The following CDKL2 variants were observed in gnomAD, a reference collection of about 807,000 sequenced individuals.
CDKL2 encodes cyclin dependent kinase like 2.
Under a neutral mutation model 63.9 loss-of-function variants are expected in CDKL2, and 64 were observed. The observed-to-expected ratio is 1.00, with a 90% CI of 0.82 to 1.23. CDKL2 has a LOEUF of 1.23. Among genes scored for constraint, CDKL2 ranks in the 50% most tolerant of loss-of-function variants. The pLI, the probability that CDKL2 is intolerant of heterozygous loss-of-function variation, is 0.00. For missense variants in CDKL2, 656 were observed against 668.0 expected (o/e 0.98, Z 0.20); for synonymous variants, 211 against 229.2 (o/e 0.92, Z 0.72).
At chr4:75,590,589 C>T (rs1472973655) in intron 12 of CDKL2, among the ~76,000 whole-genome samples, 2 of 152,148 alleles carry the variant, frequency 1.3e-5, no homozygotes, top group South Asian at 2.1e-4. Flanking sequence ...GTGGCATGCA[C>T]CTGTAATCCC....
At position 75,584,208 on chromosome 4, in the gene CDKL2, G is replaced by T. The variant is rs182570537; in HGVS notation, c.1648-2310C>A. ...GCTCTTAGCATCAGAGTAAGTCAGA[G>T]ATGTGGCAGAAGGAGTGGTCAGAGA... On this transcript the variant is annotated intron_variant, in intron 12 of 13. Transcript: ENST00000307465. Among the ~76,000 whole-genome samples, 14 of 152,334 alleles carry T rather than the reference G, an allele frequency of 9.2e-5. 1 individual carries two copies. The highest frequency in any genetic ancestry group is 7.8e-4 in the Admixed American group (12 of 15,300).
At chr4:75,601,581 A>T (rs898503095) in intron 6 of CDKL2, among the ~76,000 whole-genome samples, 8 of 152,190 alleles carry the variant, frequency 5.3e-5, no homozygotes, top group Non-Finnish European at 1.0e-4. Context: ...TGATAAGTAC[A>T]TGAAGGTTTG....
chr4:75,594,641 T>A (rs576289760), intron 10 of CDKL2, among the ~76,000 whole-genome samples: 1 of 151,786 alleles, frequency 6.6e-6, no homozygotes, highest in South Asian at 2.1e-4. Flanking sequence ...GCATCGAACA[T>A]AAAGGGAGGC....
intron 2 of CDKL2, among the ~76,000 whole-genome samples, chr4:75,623,100 A>C (rs1730239398): frequency 2.0e-5 from 3 of 151,748 alleles, no homozygotes; most frequent in African/African-American, 7.3e-5. Flanking sequence ...ACATGGAAAA[A>C]CCCTATCTTT....
chr4:75,619,249 G>A (rs958781735), intron 2 of CDKL2, among the ~76,000 whole-genome samples: 3 of 152,066 alleles, frequency 2.0e-5, no homozygotes, highest in African/African-American at 7.2e-5. Context: ...GACTGTAAGG[G>A]ATATGTTTAA....
chr4:75,624,841 A>C (rs1366903440), intron 2 of CDKL2, among the ~76,000 whole-genome samples: 1 of 152,214 alleles, frequency 6.6e-6, no homozygotes, highest in Non-Finnish European at 1.5e-5. Flanking sequence ...CTGGTAACAG[A>C]GTGAGACTCC....
chr4:75,579,479 G>A (rs1249868185), intron 13 of CDKL2, among the ~76,000 whole-genome samples: 3 of 152,146 alleles, frequency 2.0e-5, no homozygotes, highest in Non-Finnish European at 4.4e-5. Context: ...TTCAAGACCA[G>A]CCTGACCAAC....
rs146519378 is a variant in CDKL2 at position 75,623,491 on chromosome 4, T to C, written c.168+2330A>G. Reference sequence around the variant, plus strand: ...AGGGAAAAGTCATAAGATTTGACTGTGTCAAACACCATTATTAAGATCAAG... The same window carrying C: ...AGGGAAAAGTCATAAGATTTGACTGCGTCAAACACCATTATTAAGATCAAG... On this transcript the variant is annotated intron_variant, in intron 2 of 13. Transcript: ENST00000307465. Among the ~76,000 whole-genome samples the C allele has an allele frequency of 8.9e-4, 136 of 152,348 alleles. 2 individuals are homozygous for C. The highest frequency in any genetic ancestry group is 3.1e-3 in the African/African-American group (128 of 41,580).
chr4:75,608,828 T>C (rs982639720), intron 3 of CDKL2, among the ~76,000 whole-genome samples: 1 of 151,994 alleles, frequency 6.6e-6, no homozygotes, highest in East Asian at 1.9e-4. Flanking sequence ...ACCTTGTCTT[T>C]ACTAAAATAC....
Position 75,607,225 on chromosome 4 carries a change from T to C in CDKL2, c.500A>G (p.Tyr167Cys). The stretch of plus-strand genomic sequence containing the variant: ...ACCAACCAATAGTTCTGGAGCTCTG[T>C]ACCATCGGGTTGCCACATAATCAGT... ...VYTDYVATRWYRAPELLVGDV... is the reference protein window; with the variant it reads ...VYTDYVATRWCRAPELLVGDV... Residue 167 changes from tyrosine to cysteine, a missense_variant, in exon 4 of 14, where the codon TAC becomes TGC. By Grantham distance (194) the Tyr-to-Cys change is radical. Transcript: ENST00000307465. 1 of 1,614,034 alleles carries C rather than the reference T, an allele frequency of 6.2e-7. No homozygotes were observed. The highest frequency in any genetic ancestry group is 8.5e-7 in the Non-Finnish European group (1 of 1,179,934).
chr4:75,618,534 G>A (rs1292782694), intron 2 of CDKL2, among the ~76,000 whole-genome samples: 2 of 152,020 alleles, frequency 1.3e-5, no homozygotes, highest in South Asian at 2.1e-4. Context: ...GATTACAAGC[G>A]TGAGTTGCCG....
intron 6 of CDKL2, among the ~76,000 whole-genome samples, 153 bp downstream of exon 6, chr4:75,603,664 G>A (rs1729296803): frequency 7.3e-6 from 1 of 136,200 alleles, no homozygotes; most frequent in African/African-American, 2.7e-5. Flanking sequence ...GCAGTGAGCC[G>A]AGATCATGCC....
chr4:75,599,578 C>CCACTGTCAA (rs1729098299), intron 7 of CDKL2, among the ~76,000 whole-genome samples: 1 of 139,332 alleles, frequency 7.2e-6, no homozygotes, highest in Non-Finnish European at 1.5e-5. Context: ...AAAGAAACTA[C>CCACTGTCAA]CACTGTCAAG....
chr4:75,611,982 T>G (rs1344470649), intron 3 of CDKL2, among the ~76,000 whole-genome samples: 1 of 151,752 alleles, frequency 6.6e-6, no homozygotes, highest in East Asian at 1.9e-4. Context: ...TCTTTTTTTT[T>G]GTTTTTGAGA....
At chr4:75,594,925 C>T (rs1467326465) in intron 10 of CDKL2, among the ~76,000 whole-genome samples, 1 of 152,114 alleles carries the variant, frequency 6.6e-6, no homozygotes, top group African/African-American at 2.4e-5. Context: ...GGACTTTGGC[C>T]TTTCCTCAGT....
chr4:75,595,234 G>A (rs1424768472), intron 10 of CDKL2, among the ~76,000 whole-genome samples: 1 of 145,478 alleles, frequency 6.9e-6, no homozygotes, highest in African/African-American at 2.5e-5. Context: ...CAGGGTCTTG[G>A]TCTGTCACCC....
chr4:75,588,187 C>T (rs1728560903), intron 12 of CDKL2, among the ~76,000 whole-genome samples: 1 of 149,750 alleles, frequency 6.7e-6, no homozygotes, highest in African/African-American at 2.5e-5. Flanking sequence ...GCACTCCAGC[C>T]TGGGCAACAA....
intron 11 of CDKL2, 23 bp from the exon 12 acceptor site, chr4:75,591,948 A>G: frequency 6.6e-7 from 1 of 1,507,344 alleles, no homozygotes; most frequent in Non-Finnish European, 8.9e-7. Context: ...GACCATAAAC[A>G]CAGTGAAAAT....
chr4:75,589,306 T>C (rs1728601965), intron 12 of CDKL2, among the ~76,000 whole-genome samples: 1 of 139,250 alleles, frequency 7.2e-6, no homozygotes, highest in Non-Finnish European at 1.6e-5. Flanking sequence ...TTTCTTTTTT[T>C]TTTTTTTTTT....
Sources: gnomAD v4.1 joint callset for allele counts (sites outside exome capture counted in the v4.1 genomes callset) on GRCh38, gnomAD v4.1.1 for gene constraint, MANE v1.5 for transcripts, NCBI Gene and HGNC (gene_info 2026-07-23, HGNC 2026-07-21) for gene names.